The following SSBP2 variants were observed in gnomAD, a reference collection of about 807,000 sequenced individuals.
The protein encoded by SSBP2 is single stranded DNA binding protein 2, also known as single-stranded DNA-binding protein 2.
A neutral mutation model predicts 61.8 loss-of-function variants in SSBP2; 17 were observed. The observed-to-expected ratio is 0.28, with a 90% CI of 0.19 to 0.41. The LOEUF is 0.41. Among genes scored for constraint, SSBP2 ranks in the 10% least tolerant of loss-of-function variants. SSBP2 has a pLI of 1.00. For missense variants in SSBP2, 310 were observed against 458.7 expected, an observed-to-expected ratio of 0.68 and a Z score of 2.96; for synonymous variants, 139 against 141.3, an observed-to-expected ratio of 0.98 and a Z score of 0.12.
intron 1 of SSBP2, among the ~76,000 whole-genome samples, chr5:81,700,339 C>A (rs752020767): frequency 1.3e-5 from 2 of 152,168 alleles, no homozygotes; most frequent in Non-Finnish European, 2.9e-5. Flanking sequence ...AGCAGTAGGT[C>A]TCAACAGTGG....
chr5:81,543,630 A>G (rs1357848344), intron 4 of SSBP2, among the ~76,000 whole-genome samples: 2 of 152,182 alleles, frequency 1.3e-5, no homozygotes, highest in Non-Finnish European at 2.9e-5. Flanking sequence ...TAACAAACCT[A>G]CATATATGTA....
At chr5:81,674,265 G>A (rs1241036012) in intron 1 of SSBP2, among the ~76,000 whole-genome samples, 6 of 152,080 alleles carry the variant, frequency 3.9e-5, no homozygotes, top group Admixed American at 6.6e-5. Flanking sequence ...AAGCTCACAC[G>A]TCAAAGTTAA....
At chr5:81,474,233 G>A (rs1380386485) in intron 7 of SSBP2, among the ~76,000 whole-genome samples, 1 of 152,130 alleles carries the variant, frequency 6.6e-6, no homozygotes, top group African/African-American at 2.4e-5. Context: ...CTTGTTAGAT[G>A]TTATATAAAA....
At chr5:81,425,905 T>A (rs1761922760) in intron 16 of SSBP2, among the ~76,000 whole-genome samples, 1 of 152,202 alleles carries the variant, frequency 6.6e-6, no homozygotes, top group African/African-American at 2.4e-5. Flanking sequence ...GAGTACTCAA[T>A]AGATACTTGC....
intron 1 of SSBP2, among the ~76,000 whole-genome samples, chr5:81,664,584 A>AT (rs200009212): frequency 0.01 from 1,533 of 152,184 alleles, 24 homozygotes; most frequent in African/African-American, 0.035. Flanking sequence ...AAGTTTTAAG[A>AT]TCTCCCCTTA....
chr5:81,433,860 A>G (rs1477689721), intron 15 of SSBP2, among the ~76,000 whole-genome samples: 1 of 152,246 alleles, frequency 6.6e-6, no homozygotes, highest in Non-Finnish European at 1.5e-5. Flanking sequence ...CTTTGAATTC[A>G]TTTTGCTTAC....
chr5:81,667,062 G>A (rs1751194927), intron 1 of SSBP2, among the ~76,000 whole-genome samples: 1 of 151,670 alleles, frequency 6.6e-6, no homozygotes, highest in African/African-American at 2.4e-5. Flanking sequence ...TTAGACACGG[G>A]ACAAAAGGCA....
intron 4 of SSBP2, among the ~76,000 whole-genome samples, chr5:81,547,378 G>C (rs1225332039): frequency 1.3e-5 from 2 of 152,188 alleles, no homozygotes; most frequent in Non-Finnish European, 2.9e-5. Flanking sequence ...TGGGTGAGTA[G>C]AGAAATAAAT....
Position 81,501,212 on chromosome 5 carries a change from AATAT to A in SSBP2, c.373-11907_373-11904del, listed in dbSNP as rs1167504052. Among the ~76,000 whole-genome samples, 213 of 28,774 alleles carry A rather than the reference AATAT, an allele frequency of 7.4e-3. 3 individuals carry two copies. The highest frequency in any genetic ancestry group is 0.043 in the Middle Eastern group (2 of 46). The allele number at this position is 28,774 out of a possible 152,430, so 18.9% of individuals were successfully genotyped here. A position where few individuals can be genotyped will look rare whatever the true frequency, so the allele number is the denominator to read the frequency against. On this transcript the variant is annotated intron_variant, in intron 5 of 16. Transcript: ENST00000320672. ...GGTGACAGAGGGAGACTCCATCTCA[AATAT>A]ATATATATATATATATATATATATA...
rs777789275 is a variant in SSBP2, at chr5:81,513,618, C to T, written c.372+10G>A. 7.6e-6 allele frequency: 12 copies of T among 1,569,964 alleles called. No homozygotes were observed. The highest frequency in any genetic ancestry group is 9.6e-6 in the Non-Finnish European group (11 of 1,141,456). ...GCTTTAACATTCCTAGTCAGAGTTTCTCTGAGTACCTGAAAGAACCCTGGT... is the reference window on the plus strand; with the variant it reads ...GCTTTAACATTCCTAGTCAGAGTTTTTCTGAGTACCTGAAAGAACCCTGGT... On this transcript the variant is annotated intron_variant, in intron 5 of 16. Transcript: ENST00000320672.
chr5:81,543,581 T>C (rs1007832229), intron 4 of SSBP2, among the ~76,000 whole-genome samples: 8 of 152,098 alleles, frequency 5.3e-5, no homozygotes, highest in Non-Finnish European at 1.0e-4. Flanking sequence ...GATAAGATCA[T>C]TCATACCCTA....
At chr5:81,683,455 T>C (rs570551162) in intron 1 of SSBP2, among the ~76,000 whole-genome samples, 18 of 152,268 alleles carry the variant, frequency 1.2e-4, no homozygotes, top group African/African-American at 4.3e-4. Context: ...TAGACACATA[T>C]CTTGTGCCCT....
intron 5 of SSBP2, among the ~76,000 whole-genome samples, chr5:81,493,193 T>C (rs1766991967): frequency 6.6e-6 from 1 of 151,668 alleles, no homozygotes; most frequent in Non-Finnish European, 1.5e-5. Flanking sequence ...CAAAAACATA[T>C]ATATATATTC....
At chr5:81,617,105 T>C (rs1746146800) in intron 3 of SSBP2, among the ~76,000 whole-genome samples, 1 of 77,670 alleles carries the variant, frequency 1.3e-5, no homozygotes, top group Admixed American at 1.5e-4. Context: ...GGATGGAGAA[T>C]GATTTTGACG....
intron 6 of SSBP2, among the ~76,000 whole-genome samples, chr5:81,488,096 A>C (rs1041872199): frequency 1.5e-5 from 2 of 136,530 alleles, no homozygotes; most frequent in Non-Finnish European, 3.2e-5. Context: ...ACACACACAC[A>C]CCACATTTTT....
chr5:81,585,342 A>T (rs1774978825), intron 4 of SSBP2, among the ~76,000 whole-genome samples: 1 of 151,956 alleles, frequency 6.6e-6, no homozygotes, highest in South Asian at 2.1e-4. Context: ...ATCTATTCTC[A>T]TTTCTTCCTT....
chr5:81,615,393 A>G, intron 4 of SSBP2, 80 bp downstream of exon 4: 1 of 1,009,112 alleles, frequency 9.9e-7, no homozygotes, highest in East Asian at 2.4e-5. Flanking sequence ...AAAAGAATAG[A>G]TGAGCCAGTG....
At chr5:81,533,174 T>C (rs997908580) in intron 4 of SSBP2, among the ~76,000 whole-genome samples, 6 of 151,936 alleles carry the variant, frequency 3.9e-5, no homozygotes, top group Non-Finnish European at 8.8e-5. Context: ...AGACAATATA[T>C]ACAAAGTATG....
intron 2 of SSBP2, 109 bp from the exon 3 acceptor site, chr5:81,636,727 A>T: frequency 3.4e-6 from 3 of 884,870 alleles, no homozygotes; most frequent in Non-Finnish European, 5.0e-6. Context: ...TGAATTTTTC[A>T]TCATTTTCAT....
Sources: allele counts gnomAD v4.1 joint callset (sites outside exome capture counted in the v4.1 genomes callset), GRCh38; gene constraint gnomAD v4.1.1; transcripts MANE v1.5; gene names NCBI Gene and HGNC (gene_info 2026-07-23, HGNC 2026-07-21).